C8B: variants seen among roughly 807,000 people sequenced by gnomAD.
C8B encodes complement C8 beta chain.
C8B carries 67 observed loss-of-function variants against 64.6 expected under a neutral mutation model. The ratio of observed to expected loss-of-function variants is 1.04; its 90% CI spans 0.85 to 1.27. C8B has a LOEUF of 1.27. C8B is among the 50% of genes most tolerant of loss of function. The pLI is 0.00. For synonymous variants in C8B, 284 were observed against 257.7 expected, an observed-to-expected ratio of 1.10 and a Z score of -0.98; for missense variants, 790 against 725.2, an observed-to-expected ratio of 1.09 and a Z score of -1.03.
intron 7 of C8B, among the ~76,000 whole-genome samples, 175 bp from the exon 8 acceptor site, chr1:56,943,999 G>C (rs1434852632): frequency 6.6e-6 from 1 of 152,148 alleles, no homozygotes; most frequent in East Asian, 1.9e-4. Context: ...CCAGGGCAGA[G>C]ACCTCGTAGA....
intron 10 of C8B, among the ~76,000 whole-genome samples, chr1:56,932,227 A>T (rs1305816389): frequency 6.6e-6 from 1 of 152,180 alleles, no homozygotes; most frequent in Non-Finnish European, 1.5e-5. Context: ...ATAATTGCCT[A>T]GCTTAGACTT....
At chr1:56,940,793 TC>T in intron 9 of C8B, 55 bp downstream of exon 9, 2 of 1,604,306 alleles carry the variant, frequency 1.2e-6, no homozygotes, top group South Asian at 2.2e-5. Context: ...TCATGGTAGG[TC>T]CTCAGAAGCT....
rs958435541 is a variant in C8B, at chr1:56,942,525, C to T, written c.1234+1171G>A. ...GGGACCAGCCTGGCCAACAACATGG[C>T]GAAACCCTGTCTCTACTAAAAATAC... On this transcript the variant is annotated intron_variant, in intron 8 of 11. Coordinates refer to ENST00000371237, the MANE Select transcript of C8B (RefSeq NM_000066.4). 2.6e-5 allele frequency among the ~76,000 whole-genome samples: 4 copies of T among 152,126 alleles called. No individual in the cohort carries two copies. In the East Asian group the frequency reaches 7.8e-4, roughly 30 times the overall value.
chr1:56,939,462 A>T (rs1457626759), intron 9 of C8B, among the ~76,000 whole-genome samples: 1 of 152,216 alleles, frequency 6.6e-6, no homozygotes, highest in East Asian at 1.9e-4. Flanking sequence ...AGAGTCTCTC[A>T]TCAGAGCACC....
chr1:56,948,402 T>C (rs1263545017), intron 6 of C8B, among the ~76,000 whole-genome samples: 2 of 152,180 alleles, frequency 1.3e-5, no homozygotes, highest in African/African-American at 4.8e-5. Flanking sequence ...CCAGATATGA[T>C]TCTGGCTCAG....
chr1:56,942,566 G>T (rs566104068), intron 8 of C8B, among the ~76,000 whole-genome samples: 2 of 151,960 alleles, frequency 1.3e-5, no homozygotes, highest in African/African-American at 2.4e-5. Context: ...TTAGCCAGGC[G>T]TGGTGGCACA....
intron 1 of C8B, among the ~76,000 whole-genome samples, chr1:56,963,409 T>C (rs1475833673): frequency 6.6e-6 from 1 of 152,210 alleles, no homozygotes; most frequent in Non-Finnish European, 1.5e-5. Flanking sequence ...GCATCCTTTT[T>C]CTTTGCTAGA....
At chr1:56,938,197 C>G (rs1644800808) in intron 9 of C8B, among the ~76,000 whole-genome samples, 1 of 152,152 alleles carries the variant, frequency 6.6e-6, no homozygotes, top group African/African-American at 2.4e-5. Flanking sequence ...TACTCTCTGT[C>G]TATCGTATTT....
At chr1:56,950,651 C>A (rs1645007601) in intron 5 of C8B, among the ~76,000 whole-genome samples, 1 of 152,152 alleles carries the variant, frequency 6.6e-6, no homozygotes, top group South Asian at 2.1e-4. Context: ...ACAGCATGGC[C>A]ACTGAGATGC....
chr1:56,931,002 G>A (rs1644693289), intron 11 of C8B, among the ~76,000 whole-genome samples: 1 of 152,166 alleles, frequency 6.6e-6, no homozygotes, highest in Non-Finnish European at 1.5e-5. Context: ...TTAAATGATG[G>A]AGATGGAATT....
chr1:56,937,535 A>G (rs746413485), intron 9 of C8B, among the ~76,000 whole-genome samples: 12 of 152,130 alleles, frequency 7.9e-5, no homozygotes, highest in South Asian at 2.1e-4. Context: ...TGGCTTCTCT[A>G]CCAGCATAGG....
rs114091518 is a variant in C8B at position 56,935,135 on chromosome 1, C to A, written c.1399-1647G>T. ...ATATGGTATTACCAGAATTCTATTC[C>A]AAAACCTGTTTTTCCTCCTAGTTCA... On this transcript the variant is annotated intron_variant, in intron 9 of 11. Coordinates refer to ENST00000371237, the MANE Select transcript of C8B (RefSeq NM_000066.4). Among the ~76,000 whole-genome samples the A allele has an allele frequency of 5.1e-3, 774 of 152,258 alleles. 7 individuals carry two copies. The highest frequency in any genetic ancestry group is 0.018 in the African/African-American group (750 of 41,548).
intron 6 of C8B, among the ~76,000 whole-genome samples, chr1:56,949,265 G>A (rs1362239797): frequency 6.6e-6 from 1 of 152,130 alleles, no homozygotes; most frequent in East Asian, 1.9e-4. Context: ...TTTCAGGAGA[G>A]GGTTAGTTAT....
At chr1:56,958,888 A>T (rs934972074) in intron 2 of C8B, among the ~76,000 whole-genome samples, 1 of 152,232 alleles carries the variant, frequency 6.6e-6, no homozygotes, top group African/African-American at 2.4e-5. Flanking sequence ...GTCTAAGCCC[A>T]TGGCTGGTTT....
intron 4 of C8B, among the ~76,000 whole-genome samples, chr1:56,953,406 C>T (rs887403703): frequency 6.6e-6 from 1 of 152,208 alleles, no homozygotes; most frequent in African/African-American, 2.4e-5. Flanking sequence ...TCAATTTACA[C>T]ACAATGGCTC....
At chr1:56,951,733 C>T (rs971637128) in intron 5 of C8B, among the ~76,000 whole-genome samples, 1 of 152,140 alleles carries the variant, frequency 6.6e-6, no homozygotes, top group Non-Finnish European at 1.5e-5. Flanking sequence ...GGCTCATAGC[C>T]TTTGGATTAT....
chr1:56,963,880 A>G (rs1228308159), intron 1 of C8B: 1 of 985,430 alleles, frequency 1.0e-6, no homozygotes, highest in Non-Finnish European at 1.2e-6. Flanking sequence ...ATCTGACTTG[A>G]TTACAAGAGT....
At chr1:56,932,243 C>T (rs1644712399) in intron 10 of C8B, among the ~76,000 whole-genome samples, 1 of 152,152 alleles carries the variant, frequency 6.6e-6, no homozygotes, top group African/African-American at 2.4e-5. Flanking sequence ...GACTTGAATA[C>T]CTCGAGGATG....
chr1:56,956,619 T>C (rs1645107018), intron 3 of C8B, 150 bp downstream of exon 3: 1 of 785,000 alleles, frequency 1.3e-6, no homozygotes, highest in Admixed American at 1.8e-5. Flanking sequence ...ATAATGCATG[T>C]GAAAGGAGGT....
Sources: gnomAD v4.1 joint callset for allele counts (sites outside exome capture counted in the v4.1 genomes callset) on GRCh38, gnomAD v4.1.1 for gene constraint, MANE v1.5 for transcripts, NCBI Gene and HGNC (gene_info 2026-07-23, HGNC 2026-07-21) for gene names.